The following PTPRT variants were observed in gnomAD, a reference collection of about 807,000 sequenced individuals.
The protein encoded by PTPRT is receptor-type tyrosine-protein phosphatase T.
In PTPRT, 56 loss-of-function variants were observed where a neutral mutation model predicts 176.8. The ratio of observed to expected loss-of-function variants is 0.32; its 90% confidence interval spans 0.26 to 0.40. The LOEUF (loss-of-function observed/expected upper bound fraction) is 0.40, where lower values mean the gene tolerates loss of function less well. PTPRT is among the 10% of genes least tolerant of loss of function. PTPRT has a pLI of 1.00. For synonymous variants in PTPRT, 783 were observed against 739.0 expected (o/e 1.06, Z -0.96); for missense variants, 1,540 against 1,908.2 (o/e 0.81, Z 3.60).
At chr20:42,817,992 C>A (rs1224264669) in intron 2 of PTPRT, among the ~76,000 whole-genome samples, 1 of 152,172 alleles carries the variant, frequency 6.6e-6, no homozygotes, top group African/African-American at 2.4e-5. Flanking sequence ...TTCCCCCCAG[C>A]AAAGCACACC....
intron 11 of PTPRT, among the ~76,000 whole-genome samples, chr20:42,334,897 T>C (rs1050085363): frequency 6.6e-5 from 10 of 152,230 alleles, no homozygotes; most frequent in Admixed American, 2.6e-4. Flanking sequence ...ATTAATGTAC[T>C]CCATTTACCT....
At chr20:42,211,459 A>T (rs1170124271) in intron 15 of PTPRT, among the ~76,000 whole-genome samples, 3 of 151,350 alleles carry the variant, frequency 2.0e-5, no homozygotes, top group Non-Finnish European at 4.4e-5. Context: ...AGAAAAAAAC[A>T]AACAACCCCG....
chr20:42,719,475 G>A (rs191198655), intron 6 of PTPRT, among the ~76,000 whole-genome samples: 157 of 152,320 alleles, frequency 1.0e-3, no homozygotes, highest in African/African-American at 3.7e-3. Flanking sequence ...GGCCAATAAA[G>A]TGACTTCTCT....
chr20:42,853,919 C>T (rs752962529), intron 2 of PTPRT, among the ~76,000 whole-genome samples: 1 of 152,170 alleles, frequency 6.6e-6, no homozygotes, highest in Non-Finnish European at 1.5e-5. Flanking sequence ...AGACTAACCC[C>T]GTGGCTGAGC....
At chr20:42,892,027 G>T (rs1816398329) in intron 1 of PTPRT, among the ~76,000 whole-genome samples, 1 of 152,178 alleles carries the variant, frequency 6.6e-6, no homozygotes, top group African/African-American at 2.4e-5. Flanking sequence ...TTTGCAAGAG[G>T]TGACAGCCTA....
intron 1 of PTPRT, among the ~76,000 whole-genome samples, chr20:43,074,328 A>G (rs1263835811): frequency 3.9e-5 from 6 of 152,198 alleles, no homozygotes; most frequent in Admixed American, 6.5e-5. Flanking sequence ...GTTCTTTTTC[A>G]GTGTAAAAAG....
chr20:42,394,476 T>C (rs2058829879), intron 9 of PTPRT, among the ~76,000 whole-genome samples: 1 of 152,212 alleles, frequency 6.6e-6, no homozygotes, highest in South Asian at 2.1e-4. Flanking sequence ...GCATGGCAGC[T>C]ATCTTCTGAC....
chr20:42,816,272 C>T (rs1281302308), intron 2 of PTPRT, among the ~76,000 whole-genome samples: 1 of 152,142 alleles, frequency 6.6e-6, no homozygotes, highest in African/African-American at 2.4e-5. Context: ...ATCCCTTCAA[C>T]CTTAAAGGTA....
chr20:42,201,929 C>A (rs1991466679), intron 15 of PTPRT, among the ~76,000 whole-genome samples: 1 of 122,988 alleles, frequency 8.1e-6, no homozygotes, highest in South Asian at 2.4e-4. Flanking sequence ...CCAGGAATCC[C>A]AACCAAGAAG....
At chr20:42,888,972 G>C (rs191554046) in intron 1 of PTPRT, among the ~76,000 whole-genome samples, 20 of 152,288 alleles carry the variant, frequency 1.3e-4, no homozygotes, top group African/African-American at 3.4e-4. Flanking sequence ...CCTTCTTCTA[G>C]ATAAGATTTA....
chr20:42,587,462 G>T (rs935983939), intron 7 of PTPRT, among the ~76,000 whole-genome samples: 1 of 152,228 alleles, frequency 6.6e-6, no homozygotes, highest in African/African-American at 2.4e-5. Flanking sequence ...ATCAGCATCA[G>T]ATCAAACTTT....
intron 7 of PTPRT, among the ~76,000 whole-genome samples, chr20:42,596,785 T>G (rs1452113345): frequency 1.3e-5 from 2 of 152,236 alleles, no homozygotes; most frequent in Non-Finnish European, 2.9e-5. Flanking sequence ...CAAGTATATT[T>G]TAACCTCTTA....
intron 7 of PTPRT, among the ~76,000 whole-genome samples, chr20:42,645,922 A>T (rs955530483): frequency 3.3e-5 from 5 of 152,088 alleles, no homozygotes; most frequent in Admixed American, 2.0e-4. Flanking sequence ...AGATGCTTCA[A>T]TTACTTTCTC....
intron 1 of PTPRT, among the ~76,000 whole-genome samples, chr20:43,047,527 G>C (rs1333230377): frequency 6.6e-6 from 1 of 152,080 alleles, no homozygotes; most frequent in African/African-American, 2.4e-5. Flanking sequence ...AGTTCAGGGA[G>C]AAAAGAGACA....
At chr20:42,285,216 A>C (rs2147066660) in intron 12 of PTPRT, among the ~76,000 whole-genome samples, 1 of 152,156 alleles carries the variant, frequency 6.6e-6, no homozygotes, top group African/African-American at 2.4e-5. Flanking sequence ...AGAACACTGA[A>C]GAAGACATGC....
intron 7 of PTPRT, among the ~76,000 whole-genome samples, chr20:42,575,768 G>A (rs1199961354): frequency 3.3e-5 from 5 of 152,072 alleles, no homozygotes; most frequent in Admixed American, 6.6e-5. Context: ...GCCTGTCGAT[G>A]TTACCTTCTA....
Position 42,074,895 on chromosome 20 carries a change from T to C in PTPRT, c.*5984A>G. ...TGGTTACTAAAAAACTAGAAGAGTC[T>C]GCTCATGTGCACAAATATGGCTTAG... On this transcript the variant is annotated 3_prime_UTR_variant, in exon 31 of 31. Coordinates refer to ENST00000373187, the MANE Select transcript of PTPRT (RefSeq NM_007050.6). The C allele has an allele frequency of 2.5e-6, 1 of 398,622 alleles. No individual in the cohort carries two copies. The highest frequency in any genetic ancestry group is 4.4e-6 in the Non-Finnish European group (1 of 226,046). 24.7% of individuals were successfully genotyped at this position (398,622 alleles called of 1,614,324 possible). A position where few individuals can be genotyped will look rare whatever the true frequency, so the allele number is the denominator to read the frequency against.
chr20:42,603,513 T>C (rs1289800202), intron 7 of PTPRT, among the ~76,000 whole-genome samples: 1 of 152,072 alleles, frequency 6.6e-6, no homozygotes, highest in African/African-American at 2.4e-5. Flanking sequence ...GAGATGAGCT[T>C]TGAGAGGCTG....
intron 1 of PTPRT, among the ~76,000 whole-genome samples, chr20:43,167,879 A>G (rs942792707): frequency 1.3e-5 from 2 of 152,198 alleles, no homozygotes; most frequent in Non-Finnish European, 2.9e-5. Context: ...TTCATATGAG[A>G]TCACACCCCT....
Sources: allele counts gnomAD v4.1 joint callset (sites outside exome capture counted in the v4.1 genomes callset), GRCh38; gene constraint gnomAD v4.1.1; transcripts MANE v1.5; gene names NCBI Gene and HGNC (gene_info 2026-07-23, HGNC 2026-07-21).